Variants in FRAS1 observed in about 807,000 individuals in gnomAD.
The protein encoded by FRAS1 is Fraser extracellular matrix complex subunit 1, also known as extracellular matrix organizing protein FRAS1.
In FRAS1, 290 loss-of-function variants were observed where a neutral mutation model predicts 435.2. That is an observed-to-expected ratio of 0.67 (90% CI 0.61 to 0.73). The LOEUF is 0.73. Among genes scored for constraint, FRAS1 ranks in the 30% least tolerant of loss-of-function variants. The probability of loss-of-function intolerance (pLI) is 0.00; values close to 1 mark genes in which losing one functional copy is unlikely to be tolerated. For synonymous variants in FRAS1, 1,800 were observed against 1,851.0 expected (o/e 0.97, Z 0.71); for missense variants, 4,860 against 5,001.5 (o/e 0.97, Z 0.85).
chr4:78,405,900 T>C (rs1414818707), intron 30 of FRAS1, among the ~76,000 whole-genome samples: 1 of 152,234 alleles, frequency 6.6e-6, no homozygotes, highest in Non-Finnish European at 1.5e-5. Context: ...TAGTCTCCTG[T>C]GAAATTTTAA....
At chr4:78,114,390 G>A (rs1742984557) in intron 2 of FRAS1, among the ~76,000 whole-genome samples, 1 of 152,172 alleles carries the variant, frequency 6.6e-6, no homozygotes, top group Non-Finnish European at 1.5e-5. Context: ...GGTTGATGGG[G>A]ATGGCTTTGA....
At chr4:78,447,658 A>T (rs550367035) in intron 43 of FRAS1, among the ~76,000 whole-genome samples, 29 of 152,292 alleles carry the variant, frequency 1.9e-4, no homozygotes, top group Non-Finnish European at 4.3e-4. Flanking sequence ...TTTAAAGCAT[A>T]TTCTCATCTC....
At chr4:78,381,501 G>A (rs371222612) in intron 27 of FRAS1, among the ~76,000 whole-genome samples, 34 of 152,230 alleles carry the variant, frequency 2.2e-4, no homozygotes, top group African/African-American at 8.2e-4. Flanking sequence ...TATTTGCCAG[G>A]CTGGTCTCGA....
At chr4:78,493,058 C>T (rs1198947922) in intron 59 of FRAS1, among the ~76,000 whole-genome samples, 1 of 152,102 alleles carries the variant, frequency 6.6e-6, no homozygotes, top group Non-Finnish European at 1.5e-5. Flanking sequence ...AAGAAAAGCT[C>T]ATCATCACTG....
At chr4:78,278,407 A>G (rs979423716) in intron 9 of FRAS1, among the ~76,000 whole-genome samples, 10 of 152,202 alleles carry the variant, frequency 6.6e-5, no homozygotes, top group African/African-American at 1.9e-4. Flanking sequence ...TCATGGGTAG[A>G]AAATTATGGA....
At chr4:78,204,388 C>A (rs761662394) in intron 2 of FRAS1, among the ~76,000 whole-genome samples, 1 of 152,202 alleles carries the variant, frequency 6.6e-6, no homozygotes, top group African/African-American at 2.4e-5. Context: ...GAAAGACTTT[C>A]ATTTTGCCTG....
chr4:78,204,467 T>C (rs1203113824), intron 2 of FRAS1, among the ~76,000 whole-genome samples: 1 of 152,228 alleles, frequency 6.6e-6, no homozygotes, highest in African/African-American at 2.4e-5. Flanking sequence ...ATTGCAATTA[T>C]AGAGTGAGAT....
At chr4:78,452,486 G>T in intron 47 of FRAS1, 132 bp downstream of exon 47, 1 of 680,374 alleles carries the variant, frequency 1.5e-6, no homozygotes, top group East Asian at 2.8e-5. Context: ...CACTAATTTT[G>T]ACCATTATAC....
At chr4:78,427,029 G>A (rs1191570110) in intron 35 of FRAS1, among the ~76,000 whole-genome samples, 1 of 152,132 alleles carries the variant, frequency 6.6e-6, no homozygotes, top group African/African-American at 2.4e-5. Context: ...CCCTGGTATG[G>A]TTTGAATGTC....
At chr4:78,346,531 A>G (rs766186122) in intron 20 of FRAS1, among the ~76,000 whole-genome samples, 1 of 152,138 alleles carries the variant, frequency 6.6e-6, no homozygotes. Context: ...TCACTGATCT[A>G]GTTTCCATAA....
chr4:78,451,755 T>G lies in FRAS1; in HGVS notation c.6464-17T>G. The G allele has an allele frequency of 6.4e-7, 1 of 1,574,524 alleles. No homozygotes were observed. Among genetic ancestry groups the G allele is most frequent in the East Asian group, 2.2e-5 (1 of 44,592 alleles). On this transcript the variant is annotated splice_polypyrimidine_tract_variant and intron_variant, in intron 45 of 73. Transcript: ENST00000512123. The stretch of plus-strand genomic sequence containing the variant: ...AAAGCACTAATAGCAAATCTTGATT[T>G]TTTTTCCTTTTTATAGGCCACGTAG...
intron 27 of FRAS1, among the ~76,000 whole-genome samples, chr4:78,382,737 G>A (rs185335632): frequency 1.3e-5 from 2 of 152,200 alleles, no homozygotes; most frequent in African/African-American, 2.4e-5. Context: ...ATACAGTTTC[G>A]CAGTCTTGTG....
chr4:78,382,650 C>T (rs539014865), intron 27 of FRAS1, among the ~76,000 whole-genome samples: 6 of 152,244 alleles, frequency 3.9e-5, no homozygotes, highest in East Asian at 1.9e-4. Flanking sequence ...AAAGCAATCA[C>T]GTTTATTGAG....
chr4:78,178,188 C>T (rs1056804898), intron 2 of FRAS1, among the ~76,000 whole-genome samples: 2 of 152,028 alleles, frequency 1.3e-5, no homozygotes, highest in African/African-American at 4.8e-5. Flanking sequence ...TGTGTGTTCT[C>T]TCCTTTTTTT....
chr4:78,515,776 C>T (rs1428289578), intron 65 of FRAS1, 23 bp from the exon 66 acceptor site: 2 of 1,609,274 alleles, frequency 1.2e-6, no homozygotes, highest in Non-Finnish European at 1.7e-6. Context: ...AGTTATCGTT[C>T]CTTGTTCTTC....
At chr4:78,104,260 A>T (rs1309620774) in intron 2 of FRAS1, among the ~76,000 whole-genome samples, 1 of 152,230 alleles carries the variant, frequency 6.6e-6, no homozygotes, top group African/African-American at 2.4e-5. Flanking sequence ...CGCCAGATTC[A>T]CTACAGTTCC....
At position 78,369,895 on chromosome 4, in the gene FRAS1, A is replaced by T. The variant is rs1409869558; in HGVS notation, c.2780A>T (p.Asp927Val). The change falls in exon 23 of 74, where the codon GAT becomes GTT. Residue 927 changes from aspartate (D) to valine (V), a missense_variant. Asp to Val is a radical substitution (Grantham distance 152). Transcript: ENST00000512123. ...DSQASCTSCR[D>V]PNKVLLFGEC... ...CAGGCCAGCTGTACCTCCTGCCGAG[A>T]TCCAAACAAGGTTCTGCTCTTTGGG... 2 of 1,613,858 alleles carry T rather than the reference A, an allele frequency of 1.2e-6. No individual in the cohort carries two copies.
chr4:78,427,242 C>G (rs1734033863), intron 35 of FRAS1, among the ~76,000 whole-genome samples: 1 of 152,092 alleles, frequency 6.6e-6, no homozygotes, highest in Non-Finnish European at 1.5e-5. Flanking sequence ...CAAGCTCAGC[C>G]CCCTCGCCAC....
At chr4:78,399,087 A>T (rs909768759) in intron 29 of FRAS1, among the ~76,000 whole-genome samples, 5 of 152,134 alleles carry the variant, frequency 3.3e-5, no homozygotes, top group Non-Finnish European at 7.4e-5. Context: ...AGTTTTTTTT[A>T]CACGTTTTTG....
Sources: allele counts gnomAD v4.1 joint callset (sites outside exome capture counted in the v4.1 genomes callset), GRCh38; gene constraint gnomAD v4.1.1; transcripts MANE v1.5; gene names NCBI Gene and HGNC (gene_info 2026-07-23, HGNC 2026-07-21).